GUCY1A2: variants seen among roughly 807,000 people sequenced by gnomAD.
GUCY1A2 encodes the protein guanylate cyclase 1 soluble subunit alpha 2.
GUCY1A2 carries 27 observed loss-of-function variants against 63.5 expected under a neutral mutation model. The ratio of observed to expected loss-of-function variants is 0.43; its 90% confidence interval spans 0.31 to 0.59. GUCY1A2 has a LOEUF of 0.59. GUCY1A2 is among the 20% of genes least tolerant of loss of function. The probability of loss-of-function intolerance (pLI) is 0.11; values close to 1 mark genes in which losing one functional copy is unlikely to be tolerated. For missense variants in GUCY1A2, 768 were observed against 913.3 expected (o/e 0.84, Z 2.05); for synonymous variants, 364 against 343.5 (o/e 1.06, Z -0.66).
chr11:106,697,940 T>C (rs944317365), intron 7 of GUCY1A2, among the ~76,000 whole-genome samples: 17 of 152,016 alleles, frequency 1.1e-4, no homozygotes, highest in African/African-American at 3.9e-4. Flanking sequence ...TCTTCTCTTA[T>C]GGTCATTTCA....
chr11:106,955,961 C>A (rs1053981234), intron 3 of GUCY1A2, among the ~76,000 whole-genome samples: 20 of 152,126 alleles, frequency 1.3e-4, no homozygotes, highest in African/African-American at 3.9e-4. Context: ...GTCCTTTTAT[C>A]AAGTCCCATA....
At chr11:107,017,011 C>A (rs976801699) in intron 1 of GUCY1A2, among the ~76,000 whole-genome samples, 1 of 151,870 alleles carries the variant, frequency 6.6e-6, no homozygotes, top group Non-Finnish European at 1.5e-5. Flanking sequence ...GCACATCCTG[C>A]ACATGTAACC....
intron 6 of GUCY1A2, among the ~76,000 whole-genome samples, chr11:106,708,895 G>T (rs1041362589): frequency 2.0e-5 from 3 of 151,260 alleles, no homozygotes; most frequent in Non-Finnish European, 4.4e-5. Flanking sequence ...TTAAGTATAT[G>T]AAAAAATTTA....
intron 1 of GUCY1A2, among the ~76,000 whole-genome samples, chr11:107,010,511 T>A (rs1258544665): frequency 6.6e-6 from 1 of 152,196 alleles, no homozygotes; most frequent in East Asian, 1.9e-4. Context: ...CTGCTCTTTT[T>A]GTAAAACGAC....
chr11:106,683,921 G>A lies in GUCY1A2; in HGVS notation c.*3628C>T. The A allele has an allele frequency of 9.9e-6, 2 of 201,972 alleles. No homozygotes were observed. Among genetic ancestry groups the A allele is most frequent in the African/African-American group, 2.3e-5 (1 of 43,600 alleles). 12.5% of individuals were successfully genotyped at this position (201,972 alleles called of 1,614,324 possible). ...TCTATACAAAACACAGAGCCTGGTGGGGTTTTCAGAATTCTCCATGGCTTT... is the reference window on the plus strand; with the variant it reads ...TCTATACAAAACACAGAGCCTGGTGAGGTTTTCAGAATTCTCCATGGCTTT... On this transcript the variant is annotated 3_prime_UTR_variant, in exon 8 of 8. Coordinates refer to ENST00000526355, the MANE Select transcript of GUCY1A2 (RefSeq NM_000855.3).
chr11:106,831,378 T>C (rs887872948), intron 4 of GUCY1A2, among the ~76,000 whole-genome samples: 1 of 152,038 alleles, frequency 6.6e-6, no homozygotes, highest in Admixed American at 6.5e-5. Context: ...GCTGTGCTGG[T>C]GAAAAGCACG....
At chr11:106,819,895 C>A (rs1157279095) in intron 4 of GUCY1A2, among the ~76,000 whole-genome samples, 2 of 151,928 alleles carry the variant, frequency 1.3e-5, no homozygotes, top group African/African-American at 4.8e-5. Context: ...AGACAAGTAC[C>A]CAAATACTGC....
At chr11:106,915,373 G>T (rs919276014) in intron 4 of GUCY1A2, among the ~76,000 whole-genome samples, 1 of 152,044 alleles carries the variant, frequency 6.6e-6, no homozygotes, top group Non-Finnish European at 1.5e-5. Flanking sequence ...TCTGTTACAA[G>T]GTATCTGTAC....
chr11:106,893,758 A>G (rs1860007014), intron 4 of GUCY1A2, among the ~76,000 whole-genome samples: 1 of 152,162 alleles, frequency 6.6e-6, no homozygotes, highest in Non-Finnish European at 1.5e-5. Context: ...CCACAAGCAA[A>G]AACGTCCTTG....
At chr11:106,832,135 A>G (rs574459967) in intron 4 of GUCY1A2, among the ~76,000 whole-genome samples, 7 of 152,198 alleles carry the variant, frequency 4.6e-5, no homozygotes, top group Non-Finnish European at 8.8e-5. Context: ...TGCTCGTTCA[A>G]CATTAATCAT....
At chr11:106,847,543 C>A (rs1386447555) in intron 4 of GUCY1A2, among the ~76,000 whole-genome samples, 1 of 151,266 alleles carries the variant, frequency 6.6e-6, no homozygotes, top group African/African-American at 2.4e-5. Flanking sequence ...GCCACAAAGC[C>A]CTGGGGACCC....
At chr11:106,817,196 A>G (rs551266662) in intron 4 of GUCY1A2, among the ~76,000 whole-genome samples, 4 of 152,180 alleles carry the variant, frequency 2.6e-5, no homozygotes, top group African/African-American at 4.8e-5. Context: ...AGCATATGAA[A>G]TGACAGTTAT....
chr11:106,940,040 T>C lies in GUCY1A2; in HGVS notation c.626A>G (p.His209Arg). 1 of 1,613,938 alleles carries C rather than the reference T, an allele frequency of 6.2e-7. No individual in the cohort carries two copies. The highest frequency in any genetic ancestry group is 1.1e-5 in the South Asian group (1 of 91,090). Residue 209 changes from histidine (H) to arginine (R), a missense_variant, in exon 4 of 8, where the codon CAC (histidine) becomes CGC (arginine). Physicochemically the swap from His to Arg is conservative, Grantham distance 29. Transcript: ENST00000526355. ...FFNGFDALLE[H>R]IRTSFGKQAT... ...CTGTTTTCCAAAAGAAGTTCTAATG[T>C]GTTCCAACAAAGCATCAAAGCCGTT...
chr11:106,886,393 A>G (rs1190218152), intron 4 of GUCY1A2, among the ~76,000 whole-genome samples: 1 of 152,174 alleles, frequency 6.6e-6, no homozygotes, highest in Non-Finnish European at 1.5e-5. Context: ...TATCTGAAAC[A>G]CAAATAACAA....
At chr11:106,703,178 CTG>C (rs1486652301) in intron 7 of GUCY1A2, among the ~76,000 whole-genome samples, 2 of 152,160 alleles carry the variant, frequency 1.3e-5, no homozygotes, top group African/African-American at 4.8e-5. Context: ...GGGACTTGGA[CTG>C]TCTCCTTGCT....
intron 1 of GUCY1A2, among the ~76,000 whole-genome samples, chr11:106,995,237 C>T (rs146591155): frequency 2.6e-5 from 4 of 152,282 alleles, no homozygotes; most frequent in East Asian, 1.9e-4. Flanking sequence ...CTGGACCCTA[C>T]GTGTCACATG....
chr11:106,766,639 CA>C lies in GUCY1A2; in HGVS notation c.1836+9799del, dbSNP rs1037161535. 2.3e-4 allele frequency among the ~76,000 whole-genome samples: 35 copies of C among 151,874 alleles called. 1 individual carries two copies. The highest frequency in any genetic ancestry group is 7.7e-4 in the African/African-American group (32 of 41,446). On this transcript the variant is annotated intron_variant, in intron 6 of 7. Coordinates refer to ENST00000526355, the MANE Select transcript of GUCY1A2 (RefSeq NM_000855.3). ...GATATGAGATCTCAAAACAACAGGTCAAAAACGTAAAAGCTAACTAACTAAC... is the reference window on the plus strand; with the variant it reads ...GATATGAGATCTCAAAACAACAGGTCAAAACGTAAAAGCTAACTAACTAAC...
At chr11:106,764,359 G>A (rs1364525350) in intron 6 of GUCY1A2, among the ~76,000 whole-genome samples, 2 of 152,090 alleles carry the variant, frequency 1.3e-5, no homozygotes, top group Non-Finnish European at 2.9e-5. Context: ...GTGAGTGGCA[G>A]TATAGGGTAA....
At chr11:106,782,548 G>A (rs532468613) in intron 5 of GUCY1A2, among the ~76,000 whole-genome samples, 1 of 152,250 alleles carries the variant, frequency 6.6e-6, no homozygotes, top group African/African-American at 2.4e-5. Context: ...TTCCCTTGCT[G>A]AGAGAACTGG....
Sources: allele counts gnomAD v4.1 joint callset (sites outside exome capture counted in the v4.1 genomes callset), GRCh38; gene constraint gnomAD v4.1.1; transcripts MANE v1.5; gene names NCBI Gene and HGNC (gene_info 2026-07-23, HGNC 2026-07-21).